The following TSPAN11 variants were observed in gnomAD, a reference collection of about 807,000 sequenced individuals.
TSPAN11 encodes tetraspanin 11, also known as tetraspanin-11.
TSPAN11 carries 29 observed loss-of-function variants against 32.9 expected under a neutral mutation model. The ratio of observed to expected loss-of-function variants is 0.88; its 90% CI spans 0.66 to 1.20. The LOEUF is 1.20. Among genes scored for constraint, TSPAN11 ranks in the 50% most tolerant of loss-of-function variants. TSPAN11 has a pLI of 0.00. For synonymous variants in TSPAN11, 140 were observed against 141.3 expected (o/e 0.99, Z 0.07); for missense variants, 283 against 329.1 (o/e 0.86, Z 1.08).
intron 7 of TSPAN11, among the ~76,000 whole-genome samples, chr12:30,985,738 T>C (rs1381847099): frequency 6.6e-6 from 1 of 152,202 alleles, no homozygotes; most frequent in Non-Finnish European, 1.5e-5. Flanking sequence ...GCAGTGAGGC[T>C]GAGGGCAGGG....
intron 3 of TSPAN11, among the ~76,000 whole-genome samples, chr12:30,966,525 C>T (rs779079968): frequency 2.6e-5 from 4 of 152,260 alleles, no homozygotes; most frequent in Non-Finnish European, 5.9e-5. Context: ...TATTCACCCC[C>T]ATTTTCCAGA....
the TSPAN11 span, among the ~76,000 whole-genome samples, chr12:31,014,970 T>C: frequency 2.6e-5 from 4 of 152,214 alleles, no homozygotes; most frequent in South Asian, 2.1e-4. Context: ...AGTTTTGTAA[T>C]GAGAAACCCT....
chr12:30,980,131 C>T (rs928859560), intron 5 of TSPAN11, among the ~76,000 whole-genome samples: 1 of 152,320 alleles, frequency 6.6e-6, no homozygotes, highest in African/African-American at 2.4e-5. Flanking sequence ...GTTAAGCTGC[C>T]GCAAGAACCC....
At chr12:30,946,556 A>G (rs376947919) in intron 1 of TSPAN11, among the ~76,000 whole-genome samples, 9 of 152,336 alleles carry the variant, frequency 5.9e-5, no homozygotes, top group African/African-American at 2.2e-4. Context: ...TGCTAAGTAA[A>G]TATGGTACTG....
chr12:30,951,358 A>T (rs1424376020), intron 1 of TSPAN11, among the ~76,000 whole-genome samples: 2 of 152,316 alleles, frequency 1.3e-5, no homozygotes, highest in East Asian at 3.9e-4. Context: ...TCTAACAAAT[A>T]TTCTAACAAA....
intron 3 of TSPAN11, among the ~76,000 whole-genome samples, chr12:30,967,210 C>T (rs1459124787): frequency 1.3e-5 from 2 of 152,234 alleles, no homozygotes; most frequent in African/African-American, 4.8e-5. Context: ...TCTGTCCAGA[C>T]ATCCAGGCTG....
rs1384020993 is a variant in TSPAN11, at chr12:30,966,393, T to G, written c.276+2376T>G. Among the ~76,000 whole-genome samples the G allele has an allele frequency of 2.0e-5, 3 of 152,306 alleles. No individual in the cohort carries two copies. In the East Asian group the frequency reaches 5.8e-4, roughly 29 times the overall value. ...TGCGCACAGTCTGCATGTAGGGATG[T>G]GGAGGCAGAAGAAAAATGCGAAGTT... On this transcript the variant is annotated intron_variant, in intron 3 of 7. Transcript: ENST00000546076.
chr12:30,956,898 T>C (rs1395325609), intron 2 of TSPAN11, among the ~76,000 whole-genome samples: 1 of 152,236 alleles, frequency 6.6e-6, no homozygotes, highest in Non-Finnish European at 1.5e-5. Flanking sequence ...AGAGGCTGCC[T>C]CTGCTCCAGA....
At chr12:30,957,935 C>T (rs568547706) in intron 2 of TSPAN11, among the ~76,000 whole-genome samples, 22 of 145,574 alleles carry the variant, frequency 1.5e-4, no homozygotes, top group South Asian at 9.0e-4. Context: ...TTAAGATGAA[C>T]GAAGTTTAAT....
intron 1 of TSPAN11, among the ~76,000 whole-genome samples, chr12:30,937,957 T>C (rs1938080776): frequency 6.6e-6 from 1 of 152,196 alleles, no homozygotes; most frequent in Non-Finnish European, 1.5e-5. Flanking sequence ...GCATGAGCAG[T>C]ATTTTAAGGT....
rs149809300 is a variant in TSPAN11, at chr12:30,979,549, G to C, written c.352-17G>C. On this transcript the variant is annotated splice_polypyrimidine_tract_variant and intron_variant, in intron 4 of 7. Coordinates refer to ENST00000546076, the MANE Select transcript of TSPAN11 (RefSeq NM_001370302.1). ...GGCTGGTCCCGCTGATGGGGACTTC[G>C]CTCCTACCCTCCTCAGCTGAGTGAT... The C allele has an allele frequency of 2.7e-3, 4,370 of 1,613,460 alleles. 51 individuals carry two copies. Among genetic ancestry groups the C allele is most frequent in the Middle Eastern group, 8.1e-3 (49 of 6,052 alleles).
intron 1 of TSPAN11, among the ~76,000 whole-genome samples, chr12:30,937,830 A>G (rs1036261171): frequency 3.9e-5 from 6 of 152,066 alleles, no homozygotes; most frequent in African/African-American, 1.4e-4. Context: ...ATTCTAATGT[A>G]CCCTTGATTT....
chr12:30,958,070 G>A (rs909447181), intron 2 of TSPAN11, among the ~76,000 whole-genome samples: 4 of 152,002 alleles, frequency 2.6e-5, no homozygotes, highest in Non-Finnish European at 4.4e-5. Flanking sequence ...GGAGAGGGGG[G>A]CAGGGACAGC....
At chr12:30,966,867 C>G (rs74608257) in intron 3 of TSPAN11, among the ~76,000 whole-genome samples, 4 of 152,172 alleles carry the variant, frequency 2.6e-5, no homozygotes, top group Non-Finnish European at 4.4e-5. Flanking sequence ...CCTCGTTGCT[C>G]CCATTATAGT....
At chr12:30,947,542 T>C (rs1219396745) in intron 1 of TSPAN11, among the ~76,000 whole-genome samples, 1 of 152,160 alleles carries the variant, frequency 6.6e-6, no homozygotes, top group Non-Finnish European at 1.5e-5. Context: ...AGGCACTTCC[T>C]ACATGGTGGT....
chr12:30,934,947 T>A (rs927028949), intron 1 of TSPAN11, among the ~76,000 whole-genome samples: 3 of 152,054 alleles, frequency 2.0e-5, no homozygotes, highest in African/African-American at 7.2e-5. Context: ...CCCACCCCCA[T>A]CTGTGTGCCA....
intron 1 of TSPAN11, among the ~76,000 whole-genome samples, chr12:30,951,785 A>G (rs1389313013): frequency 6.6e-6 from 1 of 152,194 alleles, no homozygotes; most frequent in Non-Finnish European, 1.5e-5. Context: ...ACTTCTTTGG[A>G]GCCTCTGCCA....
intron 3 of TSPAN11, among the ~76,000 whole-genome samples, chr12:30,965,342 G>A (rs1325618615): frequency 6.6e-6 from 1 of 152,192 alleles, no homozygotes; most frequent in African/African-American, 2.4e-5. Context: ...GTCTGCCCAT[G>A]AGCAGGCTGC....
the TSPAN11 span, among the ~76,000 whole-genome samples, chr12:31,011,914 A>G: frequency 6.6e-6 from 1 of 152,190 alleles, no homozygotes; most frequent in African/African-American, 2.4e-5. Flanking sequence ...CCATTACTTG[A>G]TGTGGGCTGT....
Sources: allele counts gnomAD v4.1 joint callset (sites outside exome capture counted in the v4.1 genomes callset), GRCh38; gene constraint gnomAD v4.1.1; transcripts MANE v1.5; gene names NCBI Gene and HGNC (gene_info 2026-07-23, HGNC 2026-07-21).